The following ABLIM2 variants were observed in gnomAD, a reference collection of about 807,000 sequenced individuals.
ABLIM2 encodes the protein actin binding LIM protein family member 2.
Under a neutral mutation model 97.7 loss-of-function variants are expected in ABLIM2, and 53 were observed. That is an observed-to-expected ratio of 0.54 (90% CI 0.44 to 0.68). ABLIM2 has a LOEUF of 0.68. Ranked by LOEUF, ABLIM2 falls within the 30% of genes least tolerant of loss-of-function variation. The pLI is 0.00. For synonymous variants in ABLIM2, 361 were observed against 345.8 expected, an observed-to-expected ratio of 1.04 and a Z score of -0.49; for missense variants, 835 against 867.2, an observed-to-expected ratio of 0.96 and a Z score of 0.47.
At chr4:8,074,904 G>A (rs1414161873) in intron 6 of ABLIM2, among the ~76,000 whole-genome samples, 2 of 150,362 alleles carry the variant, frequency 1.3e-5, no homozygotes. Flanking sequence ...TCCTGCCTCA[G>A]CCCCCTGAGT....
Position 8,085,026 on chromosome 4 carries a change from A to G in ABLIM2, c.454+3143T>C, listed in dbSNP as rs983729801. The stretch of plus-strand genomic sequence containing the variant: ...CTTCAGGGACACAGGGGACCTCCCA[A>G]CGAGAGTGGTGGGGAAGCTGAGGCA... On this transcript the variant is annotated intron_variant, in intron 4 of 20. Coordinates refer to ENST00000447017, the MANE Select transcript of ABLIM2 (RefSeq NM_001130083.2). This position sits in a 1 kb window ranked among gnomAD's most constrained non-coding sequence, Gnocchi z 6.1. Among the ~76,000 whole-genome samples the G allele has an allele frequency of 4.6e-5, 7 of 152,282 alleles. No individual in the cohort carries two copies. The highest frequency in any genetic ancestry group is 1.2e-4 in the African/African-American group (5 of 41,588).
chr4:8,061,880 G>A lies in ABLIM2; in HGVS notation c.676-826C>T, dbSNP rs1803330665. ...AAGTAAAGGGCTGAAATGTCATTTT[G>A]AGCATCCCGTTTTCCCTGTCCTGTG... On this transcript the variant is annotated intron_variant, in intron 6 of 20. Coordinates refer to ENST00000447017, the MANE Select transcript of ABLIM2 (RefSeq NM_001130083.2). This position sits in a 1 kb window ranked among gnomAD's most constrained non-coding sequence, Gnocchi z 4.5. Among the ~76,000 whole-genome samples the A allele has an allele frequency of 6.6e-6, 1 of 152,092 alleles. No individual in the cohort carries two copies. Among genetic ancestry groups the A allele is most frequent in the Admixed American group, 6.5e-5 (1 of 15,274 alleles).
At chr4:7,988,572 T>C (rs1449844933) in intron 17 of ABLIM2, among the ~76,000 whole-genome samples, 1 of 152,238 alleles carries the variant, frequency 6.6e-6, no homozygotes, top group African/African-American at 2.4e-5. Context: ...CACCCTTCTT[T>C]CCTTGCTAAA....
intron 7 of ABLIM2, among the ~76,000 whole-genome samples, chr4:8,059,328 G>C (rs1216095696): frequency 2.0e-5 from 3 of 151,958 alleles, no homozygotes; most frequent in Non-Finnish European, 2.9e-5. Flanking sequence ...AGCAGACTCA[G>C]AAAAGCATTG....
At chr4:8,047,755 T>C (rs530895913) in intron 8 of ABLIM2, among the ~76,000 whole-genome samples, 1 of 152,380 alleles carries the variant, frequency 6.6e-6, no homozygotes, top group South Asian at 2.1e-4. Context: ...AACAGCTCCC[T>C]GAACGGGCTT....
intron 20 of ABLIM2, among the ~76,000 whole-genome samples, chr4:7,981,835 G>C (rs1229759386): frequency 2.6e-5 from 4 of 152,184 alleles, no homozygotes; most frequent in African/African-American, 9.7e-5. Flanking sequence ...CACAGCTCAA[G>C]AGCACCCAGC....
chr4:8,080,401 T>C (rs2152438331), intron 5 of ABLIM2, among the ~76,000 whole-genome samples: 1 of 152,276 alleles, frequency 6.6e-6, no homozygotes, highest in African/African-American at 2.4e-5. Context: ...CTGGCAGCCC[T>C]GGTAGCTCTG....
At chr4:7,987,665 A>C (rs572213036) in intron 17 of ABLIM2, among the ~76,000 whole-genome samples, 35 of 152,334 alleles carry the variant, frequency 2.3e-4, no homozygotes, top group African/African-American at 7.2e-4. Flanking sequence ...CTCCAGCAGC[A>C]AAACCAGCTT....
At chr4:8,013,929 T>A (rs994765804) in intron 14 of ABLIM2, among the ~76,000 whole-genome samples, 1 of 152,222 alleles carries the variant, frequency 6.6e-6, no homozygotes, top group Non-Finnish European at 1.5e-5. Flanking sequence ...GAGAGGGCCC[T>A]ACCAGCTCCC....
At position 8,127,070 on chromosome 4, in the gene ABLIM2, A is replaced by G. The variant is rs199512067; in HGVS notation, c.11-20433T>C. Among the ~76,000 whole-genome samples the G allele has an allele frequency of 1.1e-5, 1 of 93,914 alleles. No homozygotes were observed. The highest frequency in any genetic ancestry group is 4.6e-5 in the African/African-American group (1 of 21,916). The allele number at this position is 93,914 out of a possible 152,430, so 61.6% of individuals were successfully genotyped here. On this transcript the variant is annotated intron_variant, in intron 1 of 20. Transcript: ENST00000447017. This position sits in a 1 kb window ranked among gnomAD's most constrained non-coding sequence, Gnocchi z 7.3. The stretch of plus-strand genomic sequence containing the variant: ...GACAGAGTGAGTCCCTGCCTCCAGA[A>G]AAAAAAAAAAAAAATGCCTGCAGAC...
intron 20 of ABLIM2, among the ~76,000 whole-genome samples, chr4:7,976,102 T>A (rs961737195): frequency 5.3e-5 from 8 of 152,114 alleles, no homozygotes; most frequent in Non-Finnish European, 8.8e-5. Context: ...TGTTCTGCAG[T>A]CTCCTTGCTC....
At position 8,155,889 on chromosome 4, in the gene ABLIM2, C is replaced by T. The variant is rs141891243; in HGVS notation, c.10+2791G>A. ...ACGGGGCGAGGACACAGGGAGAGGG[C>T]GGCCGTCCACAAGCCAAGGAGAGGG... On this transcript the variant is annotated intron_variant, in intron 1 of 20. Transcript: ENST00000447017. The surrounding 1 kb of genome is among the most constrained non-coding windows in gnomAD (Gnocchi z 4.2). Among the ~76,000 whole-genome samples, 1,312 of 151,628 alleles carry T rather than the reference C, an allele frequency of 8.7e-3. 20 individuals are homozygous for T. Among genetic ancestry groups the T allele is most frequent in the African/African-American group, 0.03 (1,242 of 41,142 alleles).
At chr4:8,156,798 C>T (rs1392972391) in intron 1 of ABLIM2, among the ~76,000 whole-genome samples, 2 of 152,214 alleles carry the variant, frequency 1.3e-5, no homozygotes, top group South Asian at 2.1e-4. Flanking sequence ...ACACAGTGGC[C>T]GGACGTTAGA....
chr4:8,116,417 T>C (rs982013119), intron 1 of ABLIM2, among the ~76,000 whole-genome samples: 41 of 152,310 alleles, frequency 2.7e-4, no homozygotes, highest in African/African-American at 9.6e-4. Flanking sequence ...CCGATCCCAC[T>C]TCTGCTATCG....
At chr4:8,138,666 A>C (rs1850514840) in intron 1 of ABLIM2, among the ~76,000 whole-genome samples, 1 of 152,246 alleles carries the variant, frequency 6.6e-6, no homozygotes, top group Non-Finnish European at 1.5e-5. Flanking sequence ...CATATGCAGA[A>C]AATTGAAACT....
chr4:8,074,883 T>C (rs956834573), intron 6 of ABLIM2, among the ~76,000 whole-genome samples: 2 of 150,974 alleles, frequency 1.3e-5, no homozygotes, highest in Non-Finnish European at 2.9e-5. Context: ...TGGTCCTGGT[T>C]CAAGCAATTC....
intron 16 of ABLIM2, chr4:8,007,777 GC>G: frequency 8.2e-7 from 1 of 1,217,474 alleles, no homozygotes; most frequent in South Asian, 2.7e-5. Context: ...CAGCCCAGGA[GC>G]AGGTCTGGGT....
At chr4:8,100,018 G>A (rs1577836828) in intron 2 of ABLIM2, among the ~76,000 whole-genome samples, 1 of 152,180 alleles carries the variant, frequency 6.6e-6, no homozygotes, top group Non-Finnish European at 1.5e-5. Flanking sequence ...CAGGGCAGGT[G>A]GGGGTGATGG....
rs551668048 is a variant in ABLIM2, at chr4:8,097,027, G to A, written c.338+72C>T. The stretch of plus-strand genomic sequence containing the variant: ...CACGGGAGGGAGCAGGAGGAAGAAG[G>A]GAAGGGAGGGAGGGAAGGAGAAAAG... On this transcript the variant is annotated intron_variant, in intron 3 of 20. Transcript: ENST00000447017. The A allele has an allele frequency of 1.7e-5, 26 of 1,495,526 alleles. No homozygotes were observed. The Admixed American group carries it at 4.5e-4, about 26-fold the overall frequency. The allele number at this position is 1,495,526 out of a possible 1,614,324, so 92.6% of individuals were successfully genotyped here.
Sources: allele counts gnomAD v4.1 joint callset (sites outside exome capture counted in the v4.1 genomes callset), GRCh38; gene constraint gnomAD v4.1.1; non-coding constraint Gnocchi (gnomAD v3.1); transcripts MANE v1.5; gene names NCBI Gene and HGNC (gene_info 2026-07-23, HGNC 2026-07-21).